CSMD1: variants seen among roughly 807,000 people sequenced by gnomAD.
CSMD1 encodes the protein CUB and Sushi multiple domains 1.
CSMD1 carries 213 observed loss-of-function variants against 417.5 expected under a neutral mutation model. That is an observed-to-expected ratio of 0.51 (90% CI 0.46 to 0.57). The LOEUF is 0.57. CSMD1 is among the 20% of genes least tolerant of loss of function. The probability of loss-of-function intolerance (pLI) is 0.00; values close to 1 mark genes in which losing one functional copy is unlikely to be tolerated. For missense variants in CSMD1, 6,923 were observed against 4,529.7 expected, an observed-to-expected ratio of 1.53 and a Z score of -15.17; for synonymous variants, 2,862 against 1,736.8, an observed-to-expected ratio of 1.65 and a Z score of -16.11.
At chr8:4,402,691 G>A (rs1283481539) in intron 3 of CSMD1, among the ~76,000 whole-genome samples, 6 of 151,296 alleles carry the variant, frequency 4.0e-5, no homozygotes, top group African/African-American at 1.5e-4. Context: ...GGAGAAAATA[G>A]AAGCAATGTG....
At chr8:4,917,830 G>A (rs1307946158) in intron 1 of CSMD1, among the ~76,000 whole-genome samples, 4 of 151,760 alleles carry the variant, frequency 2.6e-5, no homozygotes, top group Admixed American at 2.6e-4. Context: ...CAGTGGTTCA[G>A]ATGGAGGAGG....
At chr8:3,447,594 G>C (rs557679847) in intron 12 of CSMD1, among the ~76,000 whole-genome samples, 8 of 152,324 alleles carry the variant, frequency 5.3e-5, no homozygotes, top group African/African-American at 1.9e-4. Context: ...GGTTCCGTAG[G>C]ATTAGCCCCT....
chr8:4,518,158 C>T (rs951480863), intron 2 of CSMD1, among the ~76,000 whole-genome samples: 1 of 151,836 alleles, frequency 6.6e-6, no homozygotes, highest in Non-Finnish European at 1.5e-5. Context: ...TGCCATAAGA[C>T]AAGAAGACAG....
At chr8:4,880,538 C>T (rs942471525) in intron 1 of CSMD1, among the ~76,000 whole-genome samples, 24 of 152,154 alleles carry the variant, frequency 1.6e-4, no homozygotes, top group African/African-American at 5.1e-4. Context: ...CCTTTTCCTT[C>T]GCCTCCTCCT....
At chr8:4,904,131 C>G (rs1805080848) in intron 1 of CSMD1, among the ~76,000 whole-genome samples, 3 of 152,068 alleles carry the variant, frequency 2.0e-5, no homozygotes, top group African/African-American at 7.2e-5. Context: ...AGAATCATTT[C>G]TGGAGTCAGA....
Position 3,052,473 on chromosome 8 carries a change from G to C in CSMD1, c.7649C>G (p.Pro2550Arg). The C allele has an allele frequency of 1.3e-6, 2 of 1,577,590 alleles. No homozygotes were observed. Among genetic ancestry groups the C allele is most frequent in the Non-Finnish European group, 1.7e-6 (2 of 1,160,830 alleles). ...CCCTGAACACTTACGCTTACACGTG[G>C]GCGGCTTCCCCTTGTTACTCCACAA... is the stretch of plus-strand genomic sequence containing the variant. Reference protein sequence around the residue: ...DGLWSNKGKPPTCKPVACPSI... With the variant: ...DGLWSNKGKPRTCKPVACPSI... Residue 2550 changes from proline to arginine, a missense_variant, in exon 50 of 70, where the codon CCC becomes CGC. Coordinates refer to ENST00000635120, the MANE Select transcript of CSMD1 (RefSeq NM_033225.6).
chr8:3,251,041 T>G (rs1800217520), intron 26 of CSMD1, among the ~76,000 whole-genome samples: 1 of 152,216 alleles, frequency 6.6e-6, no homozygotes, highest in Non-Finnish European at 1.5e-5. Context: ...GTAGTTTCTT[T>G]TGCTGTGCAG....
At chr8:3,857,383 T>C (rs1804384405) in intron 5 of CSMD1, among the ~76,000 whole-genome samples, 1 of 152,282 alleles carries the variant, frequency 6.6e-6, no homozygotes, top group African/African-American at 2.4e-5. Flanking sequence ...TTAAAGAGAT[T>C]GGCCTATATT....
Position 4,727,235 on chromosome 8 carries a change from C to T in CSMD1, c.86-89677G>A, listed in dbSNP as rs144439488. Among the ~76,000 whole-genome samples the T allele has an allele frequency of 3.4e-3, 516 of 152,252 alleles. 1 individual carries two copies. The highest frequency in any genetic ancestry group is 6.8e-3 in the Middle Eastern group (2 of 294). On this transcript the variant is annotated intron_variant, in intron 1 of 69. Transcript: ENST00000635120. ...TGAAGAGTCCACTCAGCAGGGCACC[C>T]AAGCATTTCTGTTTTCACATTAAAC...
At chr8:3,944,874 T>C (rs1157543128) in intron 5 of CSMD1, among the ~76,000 whole-genome samples, 1 of 152,178 alleles carries the variant, frequency 6.6e-6, no homozygotes, top group Non-Finnish European at 1.5e-5. Context: ...CAGTTGATTC[T>C]GGGTTGTGTT....
intron 4 of CSMD1, among the ~76,000 whole-genome samples, chr8:4,026,984 C>A (rs1231230071): frequency 6.6e-6 from 1 of 152,210 alleles, no homozygotes; most frequent in Non-Finnish European, 1.5e-5. Flanking sequence ...AATTCTTATG[C>A]TGTAGTCCCA....
At chr8:4,632,427 G>T (rs1428523867) in intron 2 of CSMD1, among the ~76,000 whole-genome samples, 1 of 152,126 alleles carries the variant, frequency 6.6e-6, no homozygotes, top group Non-Finnish European at 1.5e-5. Flanking sequence ...CAGCAGAATT[G>T]CTTAAACCGG....
intron 38 of CSMD1, among the ~76,000 whole-genome samples, chr8:3,160,442 A>C (rs560953018): frequency 8.1e-4 from 124 of 152,266 alleles, no homozygotes; most frequent in African/African-American, 2.9e-3. Flanking sequence ...TCTTTCTGAC[A>C]TATCAGGTGG....
chr8:3,946,619 G>A (rs938460508), intron 5 of CSMD1, among the ~76,000 whole-genome samples: 3 of 152,082 alleles, frequency 2.0e-5, no homozygotes, highest in African/African-American at 7.2e-5. Context: ...GAATTGTGTT[G>A]ATCCTACAGA....
intron 4 of CSMD1, among the ~76,000 whole-genome samples, chr8:4,027,753 G>A (rs556461122): frequency 8.5e-5 from 13 of 152,152 alleles, no homozygotes; most frequent in Admixed American, 5.2e-4. Context: ...GTTTGAGAAG[G>A]GAAATAAATA....
chr8:4,384,908 G>A (rs549979647), intron 3 of CSMD1, among the ~76,000 whole-genome samples: 1 of 152,168 alleles, frequency 6.6e-6, no homozygotes, highest in Non-Finnish European at 1.5e-5. Context: ...AGAGTGGCTG[G>A]ATGGCTTCCA....
intron 2 of CSMD1, among the ~76,000 whole-genome samples, chr8:4,557,064 T>C (rs1436109880): frequency 6.6e-6 from 1 of 152,218 alleles, no homozygotes; most frequent in Non-Finnish European, 1.5e-5. Flanking sequence ...CAATCACTTA[T>C]GGGTCATGAA....
At chr8:3,020,852 A>G (rs1171371588) in intron 51 of CSMD1, among the ~76,000 whole-genome samples, 1 of 152,196 alleles carries the variant, frequency 6.6e-6, no homozygotes, top group Non-Finnish European at 1.5e-5. Flanking sequence ...GGATTGCTAA[A>G]CTATTACAGT....
At chr8:3,423,725 G>C (rs573996161) in intron 12 of CSMD1, among the ~76,000 whole-genome samples, 1 of 152,274 alleles carries the variant, frequency 6.6e-6, no homozygotes, top group Admixed American at 6.5e-5. Flanking sequence ...GTGGAAATGT[G>C]TTTTTATTTC....
Sources: allele counts gnomAD v4.1 joint callset (sites outside exome capture counted in the v4.1 genomes callset), GRCh38; gene constraint gnomAD v4.1.1; transcripts MANE v1.5; gene names NCBI Gene and HGNC (gene_info 2026-07-23, HGNC 2026-07-21).